Variants in UBIAD1 observed in about 807,000 individuals in gnomAD.
UBIAD1 encodes the protein ubiA prenyltransferase domain-containing protein 1.
A neutral mutation model predicts 20.1 loss-of-function variants in UBIAD1; 12 were observed. The ratio of observed to expected loss-of-function variants is 0.60; its 90% confidence interval spans 0.38 to 0.97. The LOEUF is 0.97. Among genes scored for constraint, UBIAD1 ranks in the 50% least tolerant of loss-of-function variants. UBIAD1 has a pLI of 0.00. For synonymous variants in UBIAD1, 207 were observed against 189.2 expected, an observed-to-expected ratio of 1.09 and a Z score of -0.77; for missense variants, 333 against 419.5, an observed-to-expected ratio of 0.79 and a Z score of 1.80.
Position 11,273,319 on chromosome 1 carries a change from C to T in UBIAD1, c.-213C>T, listed in dbSNP as rs944698460. The stretch of plus-strand genomic sequence containing the variant: ...CTGGGGGCCGGAGACAGACTTCGCC[C>T]AGGTGACGGGTAGTAGGGGCGGCGC... On this transcript the variant is annotated 5_prime_UTR_variant, in exon 1 of 2. Transcript: ENST00000376810. This position sits in a 1 kb window ranked among gnomAD's most constrained non-coding sequence, Gnocchi z 4.9. 9.9e-6 allele frequency: 6 copies of T among 605,790 alleles called. No individual in the cohort carries two copies. Among genetic ancestry groups the T allele is most frequent in the African/African-American group, 1.9e-5 (1 of 53,914 alleles). The allele number at this position is 605,790 out of a possible 1,614,324, so 37.5% of individuals were successfully genotyped here.
In UBIAD1 at chr1:11,287,958, A is replaced by G. The variant is rs1245450397; in HGVS notation, c.*1827A>G. The stretch of plus-strand genomic sequence containing the variant: ...AAAAAAAAAGAAAAAGAAAATTGCA[A>G]AAGTTCCTCTAAAGTTAAATCAAAG... On this transcript the variant is annotated 3_prime_UTR_variant, in exon 2 of 2. Coordinates refer to ENST00000376810, the MANE Select transcript of UBIAD1 (RefSeq NM_013319.3). 2.0e-5 allele frequency: 3 copies of G among 152,184 alleles called. No individual in the cohort carries two copies. Among genetic ancestry groups the G allele is most frequent in the Non-Finnish European group, 4.4e-5 (3 of 68,068 alleles). 9.4% of individuals were successfully genotyped at this position (152,184 alleles called of 1,614,324 possible).
chr1:11,281,465 C>G (rs1040350204), intron 1 of UBIAD1, among the ~76,000 whole-genome samples: 16 of 152,152 alleles, frequency 1.1e-4, no homozygotes, highest in African/African-American at 3.9e-4. Flanking sequence ...TGTAATATTA[C>G]TTAGTAAATA....
At position 11,273,360 on chromosome 1, in the gene UBIAD1, G is replaced by T. The variant is rs1651847419; in HGVS notation, c.-172G>T. ...GGGGCGGCGCCGCTTGGCCTCGTGG[G>T]GTGTAAGACCCACTTGCTGTTGCCC... On this transcript the variant is annotated 5_prime_UTR_variant, in exon 1 of 2. Transcript: ENST00000376810. The surrounding 1 kb of genome is among the most constrained non-coding windows in gnomAD (Gnocchi z 4.9). 8.3e-6 allele frequency: 6 copies of T among 721,798 alleles called. No homozygotes were observed. The allele number at this position is 721,798 out of a possible 1,614,324, so 44.7% of individuals were successfully genotyped here. A position where few individuals can be genotyped will look rare whatever the true frequency, so the allele number is the denominator to read the frequency against.
At chr1:11,290,083 C>G (rs189073488), downstream of UBIAD1, among the ~76,000 whole-genome samples, 451 of 152,206 alleles carry the variant, frequency 3.0e-3, 2 homozygotes, top group Middle Eastern at 6.8e-3. Flanking sequence ...CCAGGCTGGT[C>G]TCGAAATCCT....
rs189730250 is a variant in UBIAD1, at chr1:11,274,050, C to T, written c.519C>T (p.Leu173=). 16 of 1,614,184 alleles carry T rather than the reference C, an allele frequency of 9.9e-6. No individual in the cohort carries two copies. The highest frequency in any genetic ancestry group is 1.4e-5 in the Non-Finnish European group (16 of 1,180,044). ...TTGGAGGCCTGTCTGGCTCCTTTCTCTACACAGGAGGTAAGATTTGGCCTG... is the reference window on the plus strand; with the variant it reads ...TTGGAGGCCTGTCTGGCTCCTTTCTTTACACAGGAGGTAAGATTTGGCCTG... ...IYFGGLSGSF[L]YTGGIGFKYV... is the part of the protein sequence containing the mutation. Residue 173 remains leucine (L), a synonymous_variant, in exon 1 of 2, where the codon CTC becomes CTT. Transcript: ENST00000376810.
chr1:11,289,628 T>G (rs1638332608), downstream of UBIAD1, among the ~76,000 whole-genome samples: 1 of 152,108 alleles, frequency 6.6e-6, no homozygotes, highest in Non-Finnish European at 1.5e-5. Context: ...AGTGGCGTGA[T>G]CTCGGCTCAC....
downstream of UBIAD1, among the ~76,000 whole-genome samples, chr1:11,292,535 C>T (rs148990153): frequency 1.8e-3 from 274 of 152,218 alleles, no homozygotes; most frequent in African/African-American, 6.4e-3. Flanking sequence ...TCTTTCAGAC[C>T]TGCCCCACGG....
rs34509238 is a variant in UBIAD1, at chr1:11,282,558, C to CTTTT, written c.530-3070_530-3067dup. Among the ~76,000 whole-genome samples the CTTTT allele has an allele frequency of 2.9e-3, 374 of 128,080 alleles. 3 individuals are homozygous for CTTTT. Among genetic ancestry groups the CTTTT allele is most frequent in the African/African-American group, 9.9e-3 (333 of 33,478 alleles). 84.0% of individuals were successfully genotyped at this position (128,080 alleles called of 152,430 possible). A position where few individuals can be genotyped will look rare whatever the true frequency, so the allele number is the denominator to read the frequency against. ...TCTCTGCTCAACCTTGCTTACATCA[C>CTTTT]TTTTTTTTTTTTTTTTTTTCAAAAG... On this transcript the variant is annotated intron_variant, in intron 1 of 1. Coordinates refer to ENST00000376810, the MANE Select transcript of UBIAD1 (RefSeq NM_013319.3).
intron 1 of UBIAD1, among the ~76,000 whole-genome samples, chr1:11,282,227 C>T (rs1652263716): frequency 6.6e-6 from 1 of 152,198 alleles, no homozygotes; most frequent in Non-Finnish European, 1.5e-5. Context: ...AGTTGCTCTG[C>T]GTCTTGCCAA....
downstream of UBIAD1, among the ~76,000 whole-genome samples, chr1:11,291,375 A>G (rs966187752): frequency 6.6e-6 from 1 of 152,204 alleles, no homozygotes; most frequent in African/African-American, 2.4e-5. Flanking sequence ...TGGGAGGTCA[A>G]GGTGGGTGGA....
chr1:11,286,598 G>A lies in UBIAD1; in HGVS notation c.*467G>A, dbSNP rs112285480. ...TTGGTGCCAGGCCTCACTAACACAGGGGCTACCTGTCTCTTATTCTCAGCA... is the reference window on the plus strand; with the variant it reads ...TTGGTGCCAGGCCTCACTAACACAGAGGCTACCTGTCTCTTATTCTCAGCA... On this transcript the variant is annotated 3_prime_UTR_variant, in exon 2 of 2. Coordinates refer to ENST00000376810, the MANE Select transcript of UBIAD1 (RefSeq NM_013319.3). 327 of 222,404 alleles carry A rather than the reference G, an allele frequency of 1.5e-3. 2 individuals carry two copies. The highest frequency in any genetic ancestry group is 6.8e-3 in the African/African-American group (292 of 42,914). 13.8% of individuals were successfully genotyped at this position (222,404 alleles called of 1,614,324 possible).
At chr1:11,294,054 T>C (rs116384607) in intron 1 of UBIAD1, among the ~76,000 whole-genome samples, 3,292 of 152,328 alleles carry the variant, frequency 0.022, 106 homozygotes, top group African/African-American at 0.072. Context: ...AAACGTTGGA[T>C]GACTGGCCGA....
chr1:11,285,872 G>T lies in UBIAD1; in HGVS notation c.758G>T (p.Gly253Val), dbSNP rs1313246069. The change falls in exon 2 of 2, where the codon GGC becomes GTC. Residue 253 changes from glycine (G) to valine (V), a missense_variant. By Grantham distance (109) the Gly-to-Val change is moderately radical. Transcript: ENST00000376810. The surrounding 1 kb of genome is among the most constrained non-coding windows in gnomAD (Gnocchi z 4.4). ...ATCGTCACGCTGGCCATCCTCATCG[G>T]CCCCACGTTCTCCTACATTCTCTAC... ...AGIVTLAILI[G>V]PTFSYILYNT... 1.2e-6 allele frequency: 2 copies of T among 1,614,100 alleles called. No homozygotes were observed. Among genetic ancestry groups the T allele is most frequent in the South Asian group, 2.2e-5 (2 of 91,080 alleles).
chr1:11,293,045 A>G (rs894628679), downstream of UBIAD1, among the ~76,000 whole-genome samples: 8 of 152,152 alleles, frequency 5.3e-5, no homozygotes, highest in African/African-American at 1.2e-4. Context: ...GAGGCTTGCA[A>G]ACGGCTTCCT....
intron 1 of UBIAD1, chr1:11,278,749 G>T: frequency 3.2e-6 from 2 of 626,080 alleles, no homozygotes; most frequent in Non-Finnish European, 5.4e-6. Flanking sequence ...GTGTGCTGCG[G>T]TCATCCACCA....
rs955811218 is a variant in UBIAD1 at position 11,273,248 on chromosome 1, G to A, written c.-284G>A. ...GGCGCACAAGATGGCGGCTCTGGCG[G>A]CCTAAAGAAGGCGGCCGCGGCTCAG... is the stretch of plus-strand genomic sequence containing the variant. On this transcript the variant is annotated 5_prime_UTR_variant, in exon 1 of 2. Coordinates refer to ENST00000376810, the MANE Select transcript of UBIAD1 (RefSeq NM_013319.3). This position sits in a 1 kb window ranked among gnomAD's most constrained non-coding sequence, Gnocchi z 4.9. The A allele has an allele frequency of 1.7e-5, 8 of 458,234 alleles. No individual in the cohort carries two copies. Among genetic ancestry groups the A allele is most frequent in the African/African-American group, 1.0e-4 (5 of 49,476 alleles). The allele number at this position is 458,234 out of a possible 1,614,324, so 28.4% of individuals were successfully genotyped here. A position where few individuals can be genotyped will look rare whatever the true frequency, so the allele number is the denominator to read the frequency against.
chr1:11,279,578 G>A (rs1652176656), intron 1 of UBIAD1, among the ~76,000 whole-genome samples: 1 of 152,088 alleles, frequency 6.6e-6, no homozygotes, highest in East Asian at 1.9e-4. Flanking sequence ...CACCATGCCT[G>A]GCTAATTTTG....
At position 11,285,987 on chromosome 1, in the gene UBIAD1, C is replaced by T. The variant is rs768331150; in HGVS notation, c.873C>T (p.Pro291=). The T allele has an allele frequency of 1.2e-6, 2 of 1,614,240 alleles. No individual in the cohort carries two copies. The highest frequency in any genetic ancestry group is 2.2e-5 in the East Asian group (1 of 44,880). Residue 291 remains proline (P), a synonymous_variant, in exon 2 of 2, where the codon CCC becomes CCT. Coordinates refer to ENST00000376810, the MANE Select transcript of UBIAD1 (RefSeq NM_013319.3). The surrounding 1 kb of genome is among the most constrained non-coding windows in gnomAD (Gnocchi z 4.4). The part of the protein sequence containing the change: ...ISLALPLLTI[P]MAFSLERQFR... ...TGGCACTCCCCCTGCTTACCATTCCCATGGCCTTCTCCCTTGAGAGACAGT... is the reference window on the plus strand; with the variant it reads ...TGGCACTCCCCCTGCTTACCATTCCTATGGCCTTCTCCCTTGAGAGACAGT...
At position 11,273,303 on chromosome 1, in the gene UBIAD1, G is replaced by A. The variant is rs1274073066; in HGVS notation, c.-229G>A. ...GGGCTCTAACGCGGGGCTGGGGGCC[G>A]GAGACAGACTTCGCCCAGGTGACGG... On this transcript the variant is annotated 5_prime_UTR_variant, in exon 1 of 2. Transcript: ENST00000376810. This position sits in a 1 kb window ranked among gnomAD's most constrained non-coding sequence, Gnocchi z 4.9. The A allele has an allele frequency of 5.1e-6, 3 of 585,446 alleles. No individual in the cohort carries two copies. Among genetic ancestry groups the A allele is most frequent in the Non-Finnish European group, 9.1e-6 (3 of 328,908 alleles). The allele number at this position is 585,446 out of a possible 1,614,324, so 36.3% of individuals were successfully genotyped here. A position where few individuals can be genotyped will look rare whatever the true frequency, so the allele number is the denominator to read the frequency against.
Sources: gnomAD v4.1 joint callset for allele counts (sites outside exome capture counted in the v4.1 genomes callset) on GRCh38, gnomAD v4.1.1 for gene constraint, Gnocchi (gnomAD v3.1) non-coding constraint, MANE v1.5 for transcripts, NCBI Gene and HGNC (gene_info 2026-07-23, HGNC 2026-07-21) for gene names.